RP1: variants seen among roughly 807,000 people sequenced by gnomAD.
RP1 encodes RP1 axonemal microtubule associated, also known as oxygen-regulated protein 1.
In RP1, 16 loss-of-function variants were observed where a neutral mutation model predicts 14.8. The observed-to-expected ratio is 1.08, with a 90% CI of 0.73 to 1.65. The LOEUF (loss-of-function observed/expected upper bound fraction) is 1.65, where lower values mean the gene tolerates loss of function less well. RP1 is among the 40% of genes most tolerant of loss of function. RP1 has a pLI of 0.00. For synonymous variants in RP1, 876 were observed against 883.6 expected (o/e 0.99, Z 0.15); for missense variants, 2,631 against 2,535.0 (o/e 1.04, Z -0.81).
chr8:54,606,735 T>C (rs1381182538), intron 1 of RP1, among the ~76,000 whole-genome samples: 4 of 151,838 alleles, frequency 2.6e-5, no homozygotes, highest in Non-Finnish European at 5.9e-5. Flanking sequence ...GGAGGCTTTG[T>C]TTGTTTCTTT....
downstream of RP1, among the ~76,000 whole-genome samples, chr8:54,635,581 T>C (rs1219474814): frequency 1.3e-5 from 2 of 152,222 alleles, no homozygotes; most frequent in African/African-American, 4.8e-5. Context: ...TTTAATGTAG[T>C]TGCTGCCTCA....
chr8:54,610,125 C>T (rs1336457401), intron 1 of RP1, among the ~76,000 whole-genome samples: 1 of 152,210 alleles, frequency 6.6e-6, no homozygotes, highest in East Asian at 1.9e-4. Context: ...CTTGAGGTTA[C>T]AGATAAACTT....
chr8:54,850,537 T>G (rs931853490), intron 25 of RP1, among the ~76,000 whole-genome samples: 24 of 152,350 alleles, frequency 1.6e-4, no homozygotes, highest in Admixed American at 1.5e-3. Flanking sequence ...CTTTGAGCTT[T>G]GACTTTTCCT....
intron 24 of RP1, among the ~76,000 whole-genome samples, chr8:54,804,224 A>T (rs1028452084): frequency 6.6e-6 from 1 of 152,100 alleles, no homozygotes; most frequent in Non-Finnish European, 1.5e-5. Context: ...CCGATTTAAA[A>T]CATATAAACA....
chr8:54,818,192 C>A (rs1316091741), intron 24 of RP1, among the ~76,000 whole-genome samples: 1 of 152,210 alleles, frequency 6.6e-6, no homozygotes, highest in Non-Finnish European at 1.5e-5. Flanking sequence ...CAGTTTTAAA[C>A]CAAATGTTCA....
At chr8:54,664,795 G>A (rs569710571) in intron 7 of RP1, among the ~76,000 whole-genome samples, 1 of 152,186 alleles carries the variant, frequency 6.6e-6, no homozygotes, top group East Asian at 1.9e-4. Flanking sequence ...TCATTATAGG[G>A]TACTCATGGA....
intron 12 of RP1, chr8:54,696,456 G>C: frequency 1.2e-6 from 1 of 848,936 alleles, no homozygotes; most frequent in Non-Finnish European, 1.9e-6. Flanking sequence ...CTGAAAAAGA[G>C]GAAAGCTTAT....
At chr8:54,739,118 C>T (rs950799651) in intron 19 of RP1, 18 of 872,002 alleles carry the variant, frequency 2.1e-5, no homozygotes, top group Middle Eastern at 2.2e-4. Context: ...ACGGTATTTT[C>T]CTAATTACAG....
chr8:54,788,881 G>A (rs1273534255), intron 24 of RP1, among the ~76,000 whole-genome samples: 2 of 152,108 alleles, frequency 1.3e-5, no homozygotes, highest in Non-Finnish European at 2.9e-5. Context: ...CAGAAACTGG[G>A]GGTGAGGCTG....
At chr8:54,667,759 TCTGC>T (rs1807051705) in intron 7 of RP1, among the ~76,000 whole-genome samples, 1 of 152,192 alleles carries the variant, frequency 6.6e-6, no homozygotes, top group South Asian at 2.1e-4. Context: ...AAACCTCCAG[TCTGC>T]CATATTGCTG....
intron 24 of RP1, among the ~76,000 whole-genome samples, chr8:54,829,162 A>C (rs1432401298): frequency 2.0e-5 from 3 of 152,090 alleles, no homozygotes; most frequent in Non-Finnish European, 4.4e-5. Flanking sequence ...GCATATATGC[A>C]GTCCATCATT....
At chr8:54,679,319 C>G in intron 9 of RP1, 1 of 1,060,598 alleles carries the variant, frequency 9.4e-7, no homozygotes, top group Admixed American at 2.1e-5. Flanking sequence ...CACGTCTTTT[C>G]CCTTTCCTGC....
chr8:54,679,917 G>T (rs1458529386), exon 12 of RP1: 3 of 1,536,008 alleles, frequency 2.0e-6, no homozygotes, highest in Non-Finnish European at 2.6e-6. Context: ...CCATTGGAGA[G>T]AAGACAGACA....
Position 54,576,195 on chromosome 8 carries a change from C to T in RP1, c.-13+16875C>T, listed in dbSNP as rs371654204. Among the ~76,000 whole-genome samples, 14 of 152,282 alleles carry T rather than the reference C, an allele frequency of 9.2e-5. No homozygotes were observed. The East Asian group carries it at 2.7e-3, about 30-fold the overall frequency. On this transcript the variant is annotated intron_variant, in intron 1 of 22. Transcript: ENST00000636932. ...AGCTGGGACTACAGGCGCGCGCCACCACGCCCGGCTAATTTTGTTTTAGTA... is the reference window on the plus strand; with the variant it reads ...AGCTGGGACTACAGGCGCGCGCCACTACGCCCGGCTAATTTTGTTTTAGTA...
chr8:54,745,157 A>C (rs1809192675), intron 19 of RP1, among the ~76,000 whole-genome samples: 1 of 152,172 alleles, frequency 6.6e-6, no homozygotes, highest in Admixed American at 6.5e-5. Flanking sequence ...TCTACCATTA[A>C]CCTGACTATA....
chr8:54,683,347 A>G (rs927842921), intron 12 of RP1, among the ~76,000 whole-genome samples: 1 of 152,076 alleles, frequency 6.6e-6, no homozygotes, highest in Non-Finnish European at 1.5e-5. Flanking sequence ...AAGAATGTCA[A>G]TGGTGATTTA....
At chr8:54,688,310 A>G (rs990664179) in intron 12 of RP1, among the ~76,000 whole-genome samples, 2 of 152,118 alleles carry the variant, frequency 1.3e-5, no homozygotes, top group African/African-American at 4.8e-5. Flanking sequence ...GAAGCTCTTT[A>G]GTTTAATTAC....
intron 3 of RP1, among the ~76,000 whole-genome samples, chr8:54,647,521 A>T (rs1294090274): frequency 6.6e-6 from 1 of 152,208 alleles, no homozygotes; most frequent in African/African-American, 2.4e-5. Context: ...TTTTAATGAT[A>T]AAAATGGCAA....
Position 54,626,020 on chromosome 8 carries a change from T to C in RP1, c.2138T>C (p.Ile713Thr), listed in dbSNP as rs2129316444. 1 of 1,613,902 alleles carries C rather than the reference T, an allele frequency of 6.2e-7. No homozygotes were observed. The highest frequency in any genetic ancestry group is 2.2e-5 in the East Asian group (1 of 44,844). Residue 713 changes from isoleucine to threonine, a missense_variant, in exon 4 of 4, where the codon ATA becomes ACA. Transcript: ENST00000220676. ...NTKGRITKEM[I>T]VQDSDSPLKG... ...AAAGGTAGAATTACAAAGGAAATGA[T>C]AGTGCAAGATTCAGATAGTCCCCTT...
Sources: allele counts gnomAD v4.1 joint callset (sites outside exome capture counted in the v4.1 genomes callset), GRCh38; gene constraint gnomAD v4.1.1; transcripts MANE v1.5; gene names NCBI Gene and HGNC (gene_info 2026-07-23, HGNC 2026-07-21).